Variants in ITGA4 observed in about 807,000 individuals in gnomAD.
ITGA4 encodes the protein integrin subunit alpha 4.
ITGA4 carries 63 observed loss-of-function variants against 133.6 expected under a neutral mutation model. The observed-to-expected ratio is 0.47, with a 90% CI of 0.38 to 0.58. ITGA4 has a LOEUF of 0.58. Ranked by LOEUF, ITGA4 falls within the 20% of genes least tolerant of loss-of-function variation. ITGA4 has a pLI of 0.00. For missense variants in ITGA4, 1,076 were observed against 1,252.7 expected (o/e 0.86, Z 2.13); for synonymous variants, 483 against 438.0 (o/e 1.10, Z -1.28).
chr2:181,528,219 G>T (rs545375331), intron 22 of ITGA4, among the ~76,000 whole-genome samples: 1 of 152,252 alleles, frequency 6.6e-6, no homozygotes, highest in East Asian at 1.9e-4. Flanking sequence ...TGTGGAAAAA[G>T]AATGACCTTG....
At chr2:181,481,374 G>A (rs184180804) in intron 6 of ITGA4, among the ~76,000 whole-genome samples, 2 of 152,182 alleles carry the variant, frequency 1.3e-5, no homozygotes, top group East Asian at 3.9e-4. Flanking sequence ...TCAATTTCTA[G>A]GACTCGGAAA....
chr2:181,522,278 A>G lies in ITGA4; in HGVS notation c.2010A>G (p.Ala670=), dbSNP rs1310058781. 2.5e-6 allele frequency: 4 copies of G among 1,605,646 alleles called. No homozygotes were observed. The East Asian group carries it at 8.9e-5, about 36-fold the overall frequency. The stretch of plus-strand genomic sequence containing the variant: ...CCTTGTTTAATGCTGGAGATGATGC[A>G]TATGAAACGACTCTACATGTCAAAC... The part of the protein sequence containing the change: ...NVSLFNAGDD[A]YETTLHVKLP... Residue 670 remains alanine, a synonymous_variant, in exon 18 of 28, where the codon GCA becomes GCG. Transcript: ENST00000397033.
intron 2 of ITGA4, among the ~76,000 whole-genome samples, chr2:181,468,701 C>T (rs1559037771): frequency 6.6e-6 from 1 of 152,046 alleles, no homozygotes. Flanking sequence ...TTTATATACA[C>T]ATTTATATAT....
rs1045966575 is a variant in ITGA4 at position 181,537,474 on chromosome 2, C to T, written c.*1947C>T. 3.3e-5 allele frequency: 15 copies of T among 450,942 alleles called. No individual in the cohort carries two copies. The highest frequency in any genetic ancestry group is 6.9e-5 in the East Asian group (1 of 14,390). The allele number at this position is 450,942 out of a possible 1,614,324, so 27.9% of individuals were successfully genotyped here. A position where few individuals can be genotyped will look rare whatever the true frequency, so the allele number is the denominator to read the frequency against. ...TTAAAACCCTACCACTTTAAGAAGACAGGGATGGGTTATTCTTTTTTGGCA... is the reference window on the plus strand; with the variant it reads ...TTAAAACCCTACCACTTTAAGAAGATAGGGATGGGTTATTCTTTTTTGGCA... On this transcript the variant is annotated 3_prime_UTR_variant, in exon 28 of 28. Coordinates refer to ENST00000397033, the MANE Select transcript of ITGA4 (RefSeq NM_000885.6).
intron 16 of ITGA4, among the ~76,000 whole-genome samples, chr2:181,510,180 C>T (rs1265017049): frequency 6.6e-6 from 1 of 152,048 alleles, no homozygotes; most frequent in Non-Finnish European, 1.5e-5. Flanking sequence ...CTCATTTTCT[C>T]CCTTGCTTTC....
chr2:181,499,618 T>C (rs535565015), intron 15 of ITGA4, among the ~76,000 whole-genome samples: 7 of 152,314 alleles, frequency 4.6e-5, no homozygotes, highest in Non-Finnish European at 7.3e-5. Flanking sequence ...TCCAATACGC[T>C]ATTAAATGCT....
At chr2:181,524,095 T>C in intron 19 of ITGA4, 76 bp from the exon 20 acceptor site, 1 of 950,526 alleles carries the variant, frequency 1.1e-6, no homozygotes, top group East Asian at 2.7e-5. Flanking sequence ...ACATAAACTT[T>C]TAAGAAAAAA....
At chr2:181,513,419 T>C (rs537030826) in intron 17 of ITGA4, among the ~76,000 whole-genome samples, 1 of 152,174 alleles carries the variant, frequency 6.6e-6, no homozygotes, top group African/African-American at 2.4e-5. Context: ...CTGCATTCTT[T>C]TCTCTTTCTT....
At chr2:181,490,269 T>C (rs1362199526) in intron 10 of ITGA4, among the ~76,000 whole-genome samples, 1 of 152,190 alleles carries the variant, frequency 6.6e-6, no homozygotes, top group African/African-American at 2.4e-5. Flanking sequence ...AAATTGGGCA[T>C]AAGTCAATAT....
At position 181,535,491 on chromosome 2, in the gene ITGA4, T is replaced by G; in HGVS notation, c.3063T>G (p.Ser1021Arg). 2 of 1,609,396 alleles carry G rather than the reference T, an allele frequency of 1.2e-6. No homozygotes were observed. Among genetic ancestry groups the G allele is most frequent in the African/African-American group, 2.7e-5 (2 of 74,824 alleles). Residue 1021 changes from serine to arginine, a missense_variant, in exon 28 of 28, where the codon AGT becomes AGG. Coordinates refer to ENST00000397033, the MANE Select transcript of ITGA4 (RefSeq NM_000885.6). ...TACAAGAAGAAAACAGAAGAGACAG[T>G]TGGAGTTATATCAACAGTAAAAGCA... ...SILQEENRRDSWSYINSKSND... is the reference protein window; with the variant it reads ...SILQEENRRDRWSYINSKSND...
At chr2:181,462,174 G>A (rs1014971983) in intron 2 of ITGA4, among the ~76,000 whole-genome samples, 2 of 152,082 alleles carry the variant, frequency 1.3e-5, no homozygotes, top group Non-Finnish European at 2.9e-5. Context: ...ATGCTTTCCT[G>A]ATATTTATGC....
rs781111866 is a variant in ITGA4, at chr2:181,538,644, C to G, written c.*3117C>G. 6.6e-6 allele frequency among the ~76,000 whole-genome samples: 1 copy of G among 152,078 alleles called. No individual in the cohort carries two copies. The highest frequency in any genetic ancestry group is 1.5e-5 in the Non-Finnish European group (1 of 67,996). ...AATTGTTCCCAAGGGAAGTTGAATGCTCTGTAAAGGCCTAATAAAAGCAAA... is the reference window on the plus strand; with the variant it reads ...AATTGTTCCCAAGGGAAGTTGAATGGTCTGTAAAGGCCTAATAAAAGCAAA... On this transcript the variant is annotated 3_prime_UTR_variant, in exon 28 of 28. Transcript: ENST00000397033.
intron 25 of ITGA4, among the ~76,000 whole-genome samples, chr2:181,534,030 A>G (rs1687000253): frequency 6.6e-6 from 1 of 152,240 alleles, no homozygotes; most frequent in South Asian, 2.1e-4. Flanking sequence ...GTAGTCTAAT[A>G]TTTAAATCAA....
intron 19 of ITGA4, 126 bp from the exon 20 acceptor site, chr2:181,524,045 G>C (rs1231122116): frequency 6.3e-6 from 4 of 630,452 alleles, no homozygotes; most frequent in Non-Finnish European, 1.1e-5. Context: ...GGGAGGAGTA[G>C]CTGATGCCTT....
chr2:181,495,731 T>C lies in ITGA4; in HGVS notation c.1386-52T>C, dbSNP rs1686143765. 1 of 1,528,262 alleles carries C rather than the reference T, an allele frequency of 6.5e-7. No homozygotes were observed. The highest frequency in any genetic ancestry group is 1.4e-5 in the African/African-American group (1 of 72,676). 94.7% of individuals were successfully genotyped at this position (1,528,262 alleles called of 1,614,324 possible). ...TGAAAAAACAAACGCATTTCTCTCC[T>C]TAAGGAAAAATAATTCTGCAATTAA... On this transcript the variant is annotated intron_variant, in intron 13 of 27. Transcript: ENST00000397033. The surrounding 1 kb of genome is among the most constrained non-coding windows in gnomAD (Gnocchi z 4.3).
At chr2:181,494,684 T>G (rs773097821) in intron 11 of ITGA4, 38 bp from the exon 12 acceptor site, 3 of 1,086,852 alleles carry the variant, frequency 2.8e-6, no homozygotes, top group South Asian at 1.2e-5. Context: ...ATATTAGTAT[T>G]CAAAAACTAC....
intron 23 of ITGA4, among the ~76,000 whole-genome samples, chr2:181,530,057 C>A (rs1686913403): frequency 6.6e-6 from 1 of 152,108 alleles, no homozygotes; most frequent in Non-Finnish European, 1.5e-5. Context: ...TTCTTAAGAA[C>A]CGATATTCTT....
intron 2 of ITGA4, 47 bp downstream of exon 2, chr2:181,458,364 T>C (rs200305290): frequency 1.4e-5 from 23 of 1,591,202 alleles, no homozygotes; most frequent in East Asian, 2.3e-5. Flanking sequence ...CGACCCCCCA[T>C]GTGGACCCCA....
At chr2:181,460,365 CCT>C (rs1250331863) in intron 2 of ITGA4, among the ~76,000 whole-genome samples, 2 of 152,068 alleles carry the variant, frequency 1.3e-5, no homozygotes, top group Non-Finnish European at 2.9e-5. Context: ...AAAGAAACTG[CCT>C]CTCTATTCAG....
Sources: gnomAD v4.1 joint callset for allele counts (sites outside exome capture counted in the v4.1 genomes callset) on GRCh38, gnomAD v4.1.1 for gene constraint, Gnocchi (gnomAD v3.1) non-coding constraint, MANE v1.5 for transcripts, NCBI Gene and HGNC (gene_info 2026-07-23, HGNC 2026-07-21) for gene names.